QSOX1: variants seen among roughly 807,000 people sequenced by gnomAD.
QSOX1 encodes quiescin sulfhydryl oxidase 1, also known as sulfhydryl oxidase 1.
Under a neutral mutation model 76.1 loss-of-function variants are expected in QSOX1, and 40 were observed. That is an observed-to-expected ratio of 0.53 (90% confidence interval 0.41 to 0.68). The LOEUF (loss-of-function observed/expected upper bound fraction) is 0.68, where lower values mean the gene tolerates loss of function less well. QSOX1 is among the 30% of genes least tolerant of loss of function. QSOX1 has a pLI of 0.00. For missense variants in QSOX1, 931 were observed against 974.3 expected (o/e 0.96, Z 0.59); for synonymous variants, 392 against 413.1 (o/e 0.95, Z 0.62).
At position 180,198,639 on chromosome 1, in the gene QSOX1, C is replaced by T. The variant is rs17299812; in HGVS notation, c.*1602C>T. 21,157 of 348,212 alleles carry T rather than the reference C, an allele frequency of 0.061. 968 individuals carry two copies. Among genetic ancestry groups the T allele is most frequent in the Non-Finnish European group, 0.091 (15,832 of 174,642 alleles). 21.6% of individuals were successfully genotyped at this position (348,212 alleles called of 1,614,324 possible). A position where few individuals can be genotyped will look rare whatever the true frequency, so the allele number is the denominator to read the frequency against. ...TGGCAGTCTCCCTGCATGTTTCCCT[C>T]GACCTCTTTAGCTGCAGCGCCTTGC... is the stretch of plus-strand genomic sequence containing the variant. On this transcript the variant is annotated 3_prime_UTR_variant, in exon 12 of 12. Coordinates refer to ENST00000367602, the MANE Select transcript of QSOX1 (RefSeq NM_002826.5).
intron 10 of QSOX1, among the ~76,000 whole-genome samples, chr1:180,192,075 C>T (rs1482130045): frequency 6.6e-6 from 1 of 152,182 alleles, no homozygotes; most frequent in Admixed American, 6.5e-5. Flanking sequence ...TTCATTACCT[C>T]TTTAAAGACC....
intron 1 of QSOX1, among the ~76,000 whole-genome samples, chr1:180,157,673 G>T (rs1233107754): frequency 1.3e-5 from 2 of 152,170 alleles, no homozygotes; most frequent in African/African-American, 4.8e-5. Context: ...CAGAGCATGT[G>T]TTTCTGAGAA....
At chr1:180,192,412 GA>G (rs1663341152) in intron 10 of QSOX1, among the ~76,000 whole-genome samples, 1 of 152,228 alleles carries the variant, frequency 6.6e-6, no homozygotes, top group Non-Finnish European at 1.5e-5. Context: ...AAAGGTGGAG[GA>G]TGGGCTACTG....
At position 180,196,844 on chromosome 1, in the gene QSOX1, G is replaced by A. The variant is rs756245355; in HGVS notation, c.2051G>A (p.Gly684Asp). The part of the protein sequence containing the change: ...SSKQLVDIPE[G>D]QLEARAGRGR... ...AAGCAGCTGGTCGACATCCCTGAGG[G>A]CCAGCTGGAGGCCCGAGCTGGACGG... The change falls in exon 12 of 12, where the codon GGC becomes GAC. Residue 684 changes from glycine to aspartate, a missense_variant. Coordinates refer to ENST00000367602, the MANE Select transcript of QSOX1 (RefSeq NM_002826.5). The surrounding 1 kb of genome is among the most constrained non-coding windows in gnomAD (Gnocchi z 4.1). The A allele has an allele frequency of 8.1e-6, 13 of 1,606,566 alleles. No individual in the cohort carries two copies. The highest frequency in any genetic ancestry group is 1.7e-5 in the Admixed American group (1 of 59,592).
chr1:180,182,752 C>T (rs542213837), intron 6 of QSOX1, among the ~76,000 whole-genome samples: 2 of 152,308 alleles, frequency 1.3e-5, no homozygotes, highest in East Asian at 1.9e-4. Context: ...TCCAAAATGC[C>T]GAGAGAAAAC....
rs764701530 is a variant in QSOX1 at position 180,178,821 on chromosome 1, G to A, written c.543G>A (p.Ala181=). 5.0e-5 allele frequency: 81 copies of A among 1,613,824 alleles called. No homozygotes were observed. Among genetic ancestry groups the A allele is most frequent in the Middle Eastern group, 1.6e-4 (1 of 6,082 alleles). The change falls in exon 5 of 12, where the codon GCG becomes GCA. Residue 181 remains alanine, a synonymous_variant. Coordinates refer to ENST00000367602, the MANE Select transcript of QSOX1 (RefSeq NM_002826.5). ...AKLEEIDGFF[A]RNNEEYLALI... is the part of the protein sequence containing the mutation. ...TGGAGGAGATTGATGGATTCTTTGC[G>A]AGAAATAACGAAGAGTACCTGGCTC...
At chr1:180,163,276 A>G (rs760176674) in intron 1 of QSOX1, among the ~76,000 whole-genome samples, 1 of 152,238 alleles carries the variant, frequency 6.6e-6, no homozygotes. Context: ...ACTCTACTTT[A>G]GAACAAAATG....
chr1:180,198,053 A>G lies in QSOX1; in HGVS notation c.*1016A>G. On this transcript the variant is annotated 3_prime_UTR_variant, in exon 12 of 12. Transcript: ENST00000367602. ...AAGGCAAGCATTGGTGTGTTCTTTAACTTGCTACTTGGAGACCTAGTGTCC... is the reference window on the plus strand; with the variant it reads ...AAGGCAAGCATTGGTGTGTTCTTTAGCTTGCTACTTGGAGACCTAGTGTCC... 1 of 396,004 alleles carries G rather than the reference A, an allele frequency of 2.5e-6. No homozygotes were observed. Among genetic ancestry groups the G allele is most frequent in the South Asian group, 1.8e-5 (1 of 55,962 alleles). 24.5% of individuals were successfully genotyped at this position (396,004 alleles called of 1,614,324 possible). A position where few individuals can be genotyped will look rare whatever the true frequency, so the allele number is the denominator to read the frequency against.
chr1:180,155,675 C>T (rs1301508620), intron 1 of QSOX1, among the ~76,000 whole-genome samples: 1 of 152,222 alleles, frequency 6.6e-6, no homozygotes, highest in Non-Finnish European at 1.5e-5. Flanking sequence ...TCCACTCCCT[C>T]GACTGGTTGA....
chr1:180,168,007 G>A (rs1364523343), intron 2 of QSOX1, among the ~76,000 whole-genome samples: 1 of 152,358 alleles, frequency 6.6e-6, no homozygotes. Context: ...AGCCGCAGGG[G>A]TGCAGCCACT....
At chr1:180,160,628 C>CA (rs1207044714) in intron 1 of QSOX1, among the ~76,000 whole-genome samples, 6 of 151,630 alleles carry the variant, frequency 4.0e-5, no homozygotes. Context: ...TCCTGCCAGA[C>CA]AAAAAAAGGT....
Position 180,196,456 on chromosome 1 carries a change from G to T in QSOX1, c.1663G>T (p.Val555Leu). The T allele has an allele frequency of 1.2e-6, 2 of 1,614,082 alleles. No individual in the cohort carries two copies. Among genetic ancestry groups the T allele is most frequent in the South Asian group, 2.2e-5 (2 of 91,088 alleles). The change falls in exon 12 of 12, where the codon GTG (valine) becomes TTG (leucine). Residue 555 changes from valine to leucine, a missense_variant. Val to Leu is a conservative substitution (Grantham distance 32, BLOSUM62 1). Transcript: ENST00000367602. The surrounding 1 kb of genome is among the most constrained non-coding windows in gnomAD (Gnocchi z 4.1). ...AGCTGGGTCAGCTGCCCGGAGGGAT[G>T]TGCAGAATGTGGCAGCCGCCCCAGA... ...PAAGSAARRD[V>L]QNVAAAPELA...
chr1:180,155,065 C>T lies in QSOX1; in HGVS notation c.158C>T (p.Ala53Val). 6.6e-7 allele frequency: 1 copy of T among 1,514,386 alleles called. No individual in the cohort carries two copies. The highest frequency in any genetic ancestry group is 8.8e-7 in the Non-Finnish European group (1 of 1,138,016). The allele number at this position is 1,514,386 out of a possible 1,614,324, so 93.8% of individuals were successfully genotyped here. The change falls in exon 1 of 12, where the codon GCG becomes GTG. Residue 53 changes from alanine (A) to valine (V), a missense_variant. Coordinates refer to ENST00000367602, the MANE Select transcript of QSOX1 (RefSeq NM_002826.5). ...CTGCAGGCGGACACGGTGCGCGGCG[C>T]GGTGCTGGGCTCCCGCAGCGCCTGG... ...TLLQADTVRG[A>V]VLGSRSAWAV...
At position 180,200,382 on chromosome 1, in the gene QSOX1, G is replaced by C; in HGVS notation, c.*3345G>C. 1 of 152,184 alleles carries C rather than the reference G, an allele frequency of 6.6e-6. No individual in the cohort carries two copies. Among genetic ancestry groups the C allele is most frequent in the Non-Finnish European group, 1.5e-5 (1 of 68,058 alleles). The allele number at this position is 152,184 out of a possible 1,614,324, so 9.4% of individuals were successfully genotyped here. On this transcript the variant is annotated 3_prime_UTR_variant, in exon 12 of 12. Transcript: ENST00000367602. ...GGGTGCCGTTCCCACAGGATATTCT[G>C]TGAAGGGTGTCCCTGGAGCTGGGCC...
chr1:180,196,121 T>C lies in QSOX1; in HGVS notation c.1469-141T>C. On this transcript the variant is annotated intron_variant, in intron 11 of 11. Transcript: ENST00000367602. The surrounding 1 kb of genome is among the most constrained non-coding windows in gnomAD (Gnocchi z 4.1). Reference sequence around the variant, plus strand: ...TGGGCTAGTGTTTGTAATCTGTATTTTCTAATTACCCATCCTCTGGAAGGG... The same window carrying C: ...TGGGCTAGTGTTTGTAATCTGTATTCTCTAATTACCCATCCTCTGGAAGGG... 1 of 1,082,632 alleles carries C rather than the reference T, an allele frequency of 9.2e-7. No individual in the cohort carries two copies. Among genetic ancestry groups the C allele is most frequent in the Non-Finnish European group, 1.3e-6 (1 of 769,500 alleles). 67.1% of individuals were successfully genotyped at this position (1,082,632 alleles called of 1,614,324 possible). A position where few individuals can be genotyped will look rare whatever the true frequency, so the allele number is the denominator to read the frequency against.
chr1:180,200,401 C>T lies in QSOX1; in HGVS notation c.*3364C>T, dbSNP rs1342683582. On this transcript the variant is annotated 3_prime_UTR_variant, in exon 12 of 12. Transcript: ENST00000367602. ...TATTCTGTGAAGGGTGTCCCTGGAG[C>T]TGGGCCTCCAGGTGGCAAGCCCCAA... 1 of 152,148 alleles carries T rather than the reference C, an allele frequency of 6.6e-6. No individual in the cohort carries two copies. The highest frequency in any genetic ancestry group is 1.5e-5 in the Non-Finnish European group (1 of 68,042). The allele number at this position is 152,148 out of a possible 1,614,324, so 9.4% of individuals were successfully genotyped here. A position where few individuals can be genotyped will look rare whatever the true frequency, so the allele number is the denominator to read the frequency against.
chr1:180,171,531 T>G (rs1420335891), intron 2 of QSOX1, among the ~76,000 whole-genome samples: 1 of 151,892 alleles, frequency 6.6e-6, no homozygotes, highest in Non-Finnish European at 1.5e-5. Flanking sequence ...ATGCAGAGGG[T>G]TCAGATGGCA....
intron 1 of QSOX1, among the ~76,000 whole-genome samples, chr1:180,157,758 A>G (rs925232159): frequency 3.9e-5 from 6 of 152,218 alleles, no homozygotes; most frequent in Non-Finnish European, 7.3e-5. Context: ...GTTGTATCCA[A>G]TTTAGACCTT....
At chr1:180,170,759 G>A (rs1474126621) in intron 2 of QSOX1, among the ~76,000 whole-genome samples, 1 of 152,246 alleles carries the variant, frequency 6.6e-6, no homozygotes, top group Non-Finnish European at 1.5e-5. Context: ...GGACAAAAAT[G>A]TGCCCTGACT....
Sources: gnomAD v4.1 joint callset for allele counts (sites outside exome capture counted in the v4.1 genomes callset) on GRCh38, gnomAD v4.1.1 for gene constraint, Gnocchi (gnomAD v3.1) non-coding constraint, MANE v1.5 for transcripts, NCBI Gene and HGNC (gene_info 2026-07-23, HGNC 2026-07-21) for gene names.